Variants in PRR16 observed in about 807,000 individuals in gnomAD.
PRR16 encodes the protein protein Largen.
Under a neutral mutation model 18.2 loss-of-function variants are expected in PRR16, and 6 were observed. The observed-to-expected ratio is 0.33, with a 90% CI of 0.18 to 0.65. The LOEUF is 0.65. Ranked by LOEUF, PRR16 falls within the 30% of genes least tolerant of loss-of-function variation. The pLI, the probability that PRR16 is intolerant of heterozygous loss-of-function variation, is 0.74. For synonymous variants in PRR16, 151 were observed against 147.8 expected (o/e 1.02, Z -0.16); for missense variants, 412 against 376.6 (o/e 1.09, Z -0.78).
chr5:120,788,874 T>C, the PRR16 span, among the ~76,000 whole-genome samples: 1 of 152,056 alleles, frequency 6.6e-6, no homozygotes, highest in Admixed American at 6.6e-5. Context: ...TTCATTTAGA[T>C]CATTTAGTAC....
intron 1 of PRR16, among the ~76,000 whole-genome samples, chr5:120,590,055 A>C (rs1000910636): frequency 1.3e-5 from 2 of 152,170 alleles, no homozygotes; most frequent in Admixed American, 6.5e-5. Flanking sequence ...CTGAAGAGCT[A>C]GGTTTTTTGT....
chr5:120,724,893 T>C, the PRR16 span, among the ~76,000 whole-genome samples: 1 of 152,022 alleles, frequency 6.6e-6, no homozygotes, highest in African/African-American at 2.4e-5. Context: ...ATGGTATCTG[T>C]ATTCTGGTGG....
chr5:120,578,297 A>T (rs1753146731), intron 1 of PRR16, among the ~76,000 whole-genome samples: 1 of 152,126 alleles, frequency 6.6e-6, no homozygotes, highest in African/African-American at 2.4e-5. Context: ...TTCTAAAAAA[A>T]TGGGATACAT....
chr5:120,571,503 A>G (rs1050313902), intron 1 of PRR16, among the ~76,000 whole-genome samples: 1 of 152,246 alleles, frequency 6.6e-6, no homozygotes, highest in African/African-American at 2.4e-5. Flanking sequence ...AGACCTGGCT[A>G]TTAATCTTAG....
At chr5:120,560,405 T>C (rs1752539775) in intron 1 of PRR16, among the ~76,000 whole-genome samples, 1 of 152,050 alleles carries the variant, frequency 6.6e-6, no homozygotes, top group South Asian at 2.1e-4. Flanking sequence ...TCTTTTTTTT[T>C]GTACTTCATT....
intron 1 of PRR16, among the ~76,000 whole-genome samples, chr5:120,493,914 A>T (rs1391617968): frequency 6.6e-6 from 1 of 152,122 alleles, no homozygotes; most frequent in Non-Finnish European, 1.5e-5. Context: ...GATGTACCAT[A>T]GTTTGTTTAA....
chr5:120,698,839 G>T, the PRR16 span, among the ~76,000 whole-genome samples: 3 of 152,092 alleles, frequency 2.0e-5, no homozygotes, highest in South Asian at 2.1e-4. Context: ...ATGGAGGACC[G>T]TAAAGGATAT....
chr5:120,700,741 C>T, the PRR16 span, among the ~76,000 whole-genome samples: 2 of 152,070 alleles, frequency 1.3e-5, no homozygotes, highest in Non-Finnish European at 2.9e-5. Context: ...GAGTGGGTAG[C>T]CTCCGTGCTG....
At chr5:120,589,610 G>A (rs1187340992) in intron 1 of PRR16, among the ~76,000 whole-genome samples, 1 of 152,076 alleles carries the variant, frequency 6.6e-6, no homozygotes, top group African/African-American at 2.4e-5. Flanking sequence ...AACCATGGCA[G>A]GGGGTGAAAG....
At chr5:120,497,071 T>C (rs1750270696) in intron 1 of PRR16, among the ~76,000 whole-genome samples, 1 of 152,194 alleles carries the variant, frequency 6.6e-6, no homozygotes, top group South Asian at 2.1e-4. Flanking sequence ...GAACAGACTC[T>C]GTTATGATTT....
intron 1 of PRR16, among the ~76,000 whole-genome samples, chr5:120,606,655 C>T (rs138392886): frequency 0.013 from 1,903 of 152,166 alleles, 14 homozygotes; most frequent in Middle Eastern, 0.02. Flanking sequence ...ATAATCCCAG[C>T]ATGTTGAGAG....
At chr5:120,525,151 A>C (rs1470427485) in intron 1 of PRR16, among the ~76,000 whole-genome samples, 1 of 152,082 alleles carries the variant, frequency 6.6e-6, no homozygotes, top group Non-Finnish European at 1.5e-5. Flanking sequence ...TAAGGAAATA[A>C]ATATACTTAA....
At chr5:120,728,652 C>A in the PRR16 span, among the ~76,000 whole-genome samples, 1 of 152,128 alleles carries the variant, frequency 6.6e-6, no homozygotes, top group African/African-American at 2.4e-5. Flanking sequence ...AGAATTTATT[C>A]AGACTCTACA....
At chr5:120,469,760 GC>G (rs1422216455) in intron 1 of PRR16, among the ~76,000 whole-genome samples, 4 of 152,118 alleles carry the variant, frequency 2.6e-5, no homozygotes, top group Non-Finnish European at 5.9e-5. Flanking sequence ...TTTACCAAAT[GC>G]TAAAATGCTC....
rs1386009759 is a variant in PRR16 at position 120,687,048 on chromosome 5, AT to A, written c.*340del. On this transcript the variant is annotated 3_prime_UTR_variant, in exon 2 of 2. Transcript: ENST00000407149. ...GATTCATTTTATTTATGCCTAAGTC[AT>A]CTATGCATTAACATGTCATATTCTT... 9 of 174,186 alleles carry A rather than the reference AT, an allele frequency of 5.2e-5. No individual in the cohort carries two copies. Among genetic ancestry groups the A allele is most frequent in the African/African-American group, 2.1e-4 (9 of 42,430 alleles). 10.8% of individuals were successfully genotyped at this position (174,186 alleles called of 1,614,324 possible).
the PRR16 span, among the ~76,000 whole-genome samples, chr5:120,716,614 G>A: frequency 2.0e-5 from 3 of 152,064 alleles, no homozygotes; most frequent in South Asian, 2.1e-4. Flanking sequence ...GGTGGCTCAC[G>A]CCTGTATTCC....
intron 1 of PRR16, among the ~76,000 whole-genome samples, chr5:120,678,539 T>C (rs1194940097): frequency 1.3e-5 from 2 of 152,148 alleles, no homozygotes; most frequent in Non-Finnish European, 2.9e-5. Context: ...CTGAGGGGAA[T>C]ACACATAAAT....
the PRR16 span, among the ~76,000 whole-genome samples, chr5:120,783,284 G>A: frequency 6.6e-6 from 1 of 152,220 alleles, no homozygotes; most frequent in African/African-American, 2.4e-5. Context: ...TTCTAAAGCA[G>A]CTATTTAATC....
At chr5:120,702,233 ACACAGAAATAAGGGGTCGGGG>A in the PRR16 span, among the ~76,000 whole-genome samples, 3 of 93,782 alleles carry the variant, frequency 3.2e-5, no homozygotes, top group African/African-American at 8.0e-5. Context: ...AGGGGTCGGG[ACACAGAAATAAGGGGTCGGGG>A]CACGGAAATA....
Sources: gnomAD v4.1 joint callset for allele counts (sites outside exome capture counted in the v4.1 genomes callset) on GRCh38, gnomAD v4.1.1 for gene constraint, MANE v1.5 for transcripts, NCBI Gene and HGNC (gene_info 2026-07-23, HGNC 2026-07-21) for gene names.